Variants in NKAIN3 observed in about 807,000 individuals in gnomAD.
NKAIN3 encodes sodium/potassium-transporting ATPase subunit beta-1-interacting protein 3.
NKAIN3 carries 25 observed loss-of-function variants against 30.2 expected under a neutral mutation model. The observed-to-expected ratio is 0.83, with a 90% CI of 0.60 to 1.16. The LOEUF is 1.16. Ranked by LOEUF, NKAIN3 falls within the 50% of genes most tolerant of loss-of-function variation. The probability of loss-of-function intolerance (pLI) is 0.00; values close to 1 mark genes in which losing one functional copy is unlikely to be tolerated. For synonymous variants in NKAIN3, 91 were observed against 89.6 expected, an observed-to-expected ratio of 1.02 and a Z score of -0.09; for missense variants, 225 against 254.1, an observed-to-expected ratio of 0.89 and a Z score of 0.78.
intron 4 of NKAIN3, among the ~76,000 whole-genome samples, chr8:62,886,143 C>A (rs1821139214): frequency 1.3e-5 from 2 of 151,776 alleles, no homozygotes. Flanking sequence ...CTTATCAGAT[C>A]AATTATACTT....
At chr8:62,382,752 G>T (rs963844614) in intron 1 of NKAIN3, among the ~76,000 whole-genome samples, 1 of 152,010 alleles carries the variant, frequency 6.6e-6, no homozygotes, top group Admixed American at 6.6e-5. Context: ...TTCTCCTCTG[G>T]TGTGGTGGCT....
intron 4 of NKAIN3, among the ~76,000 whole-genome samples, chr8:62,891,398 C>T (rs565703459): frequency 6.6e-6 from 1 of 152,340 alleles, no homozygotes; most frequent in Non-Finnish European, 1.5e-5. Flanking sequence ...AGACTAAAGG[C>T]TGCACTATCA....
intron 5 of NKAIN3, among the ~76,000 whole-genome samples, chr8:62,928,210 A>G (rs1217804838): frequency 1.3e-5 from 2 of 152,202 alleles, no homozygotes; most frequent in African/African-American, 4.8e-5. Flanking sequence ...CTCTCCTTCT[A>G]AATTGTATAA....
intron 1 of NKAIN3, among the ~76,000 whole-genome samples, chr8:62,436,202 C>A (rs1157794465): frequency 6.6e-6 from 1 of 152,142 alleles, no homozygotes; most frequent in Non-Finnish European, 1.5e-5. Context: ...TTTCTCTATT[C>A]TCACTAATAA....
At chr8:62,789,409 C>T (rs1225919175) in intron 4 of NKAIN3, among the ~76,000 whole-genome samples, 2 of 152,080 alleles carry the variant, frequency 1.3e-5, no homozygotes, top group Non-Finnish European at 2.9e-5. Context: ...GCTGAAGTTG[C>T]TTATCAGCTT....
intron 1 of NKAIN3, among the ~76,000 whole-genome samples, chr8:62,499,822 C>G (rs115081329): frequency 0.012 from 1,794 of 147,782 alleles, 43 homozygotes; most frequent in African/African-American, 0.042. Flanking sequence ...TTGTTTGTTT[C>G]TTTCTTTCTT....
At chr8:62,544,431 A>G (rs1439948652) in intron 1 of NKAIN3, among the ~76,000 whole-genome samples, 2 of 152,210 alleles carry the variant, frequency 1.3e-5, no homozygotes, top group Admixed American at 6.5e-5. Flanking sequence ...TTTGAAAAAT[A>G]CACAACTATA....
intron 4 of NKAIN3, among the ~76,000 whole-genome samples, chr8:62,767,112 C>T (rs911328622): frequency 3.9e-5 from 6 of 152,154 alleles, no homozygotes; most frequent in African/African-American, 1.4e-4. Flanking sequence ...AGTTAGAGAG[C>T]TACACACTTA....
At chr8:62,429,024 G>A (rs1804906815) in intron 1 of NKAIN3, among the ~76,000 whole-genome samples, 1 of 151,810 alleles carries the variant, frequency 6.6e-6, no homozygotes, top group African/African-American at 2.4e-5. Context: ...AGACATAGGG[G>A]TCTAGCTTCA....
intron 3 of NKAIN3, among the ~76,000 whole-genome samples, chr8:62,726,948 C>A (rs1048255238): frequency 5.2e-4 from 79 of 151,966 alleles, no homozygotes; most frequent in African/African-American, 1.8e-3. Context: ...ATGCAAAAAT[C>A]ATTAACAAAA....
At chr8:62,665,818 G>A (rs147396295) in intron 3 of NKAIN3, among the ~76,000 whole-genome samples, 1 of 152,274 alleles carries the variant, frequency 6.6e-6, no homozygotes, top group African/African-American at 2.4e-5. Flanking sequence ...TCCATGAGTA[G>A]GGGAGGAGGA....
chr8:62,449,182 A>T (rs1182174505), intron 1 of NKAIN3, among the ~76,000 whole-genome samples: 1 of 151,998 alleles, frequency 6.6e-6, no homozygotes, highest in Non-Finnish European at 1.5e-5. Context: ...GCAGTGTTTT[A>T]AAAATTATGG....
At chr8:62,398,307 G>T (rs563559157) in intron 1 of NKAIN3, among the ~76,000 whole-genome samples, 10 of 152,340 alleles carry the variant, frequency 6.6e-5, no homozygotes, top group African/African-American at 2.2e-4. Context: ...TGAATTTCCT[G>T]CTGTAACATC....
intron 1 of NKAIN3, among the ~76,000 whole-genome samples, chr8:62,485,713 G>A (rs951908917): frequency 6.6e-6 from 1 of 152,188 alleles, no homozygotes; most frequent in African/African-American, 2.4e-5. Context: ...GTAAGAGGCT[G>A]TAGTTTTCTT....
intron 1 of NKAIN3, among the ~76,000 whole-genome samples, chr8:62,422,938 T>C (rs1458324888): frequency 6.6e-6 from 1 of 152,100 alleles, no homozygotes; most frequent in African/African-American, 2.4e-5. Context: ...CCAAATAAGT[T>C]TGTCACTTAT....
At chr8:62,817,168 T>A (rs1391136049) in intron 4 of NKAIN3, among the ~76,000 whole-genome samples, 1 of 152,164 alleles carries the variant, frequency 6.6e-6, no homozygotes, top group Non-Finnish European at 1.5e-5. Flanking sequence ...TGGTTATCTA[T>A]TTGTTGTTTT....
At chr8:62,291,327 G>A (rs954705004) in intron 1 of NKAIN3, among the ~76,000 whole-genome samples, 24 of 152,150 alleles carry the variant, frequency 1.6e-4, no homozygotes, top group African/African-American at 5.8e-4. Flanking sequence ...CAATTGTGAT[G>A]TTAGGGTGTC....
At chr8:62,694,728 C>A (rs1307151544) in intron 3 of NKAIN3, among the ~76,000 whole-genome samples, 2 of 152,292 alleles carry the variant, frequency 1.3e-5, no homozygotes, top group Non-Finnish European at 2.9e-5. Context: ...ACCCATCCAG[C>A]AAATGAGTAG....
intron 3 of NKAIN3, among the ~76,000 whole-genome samples, chr8:62,672,748 C>T (rs900586168): frequency 2.0e-5 from 3 of 152,130 alleles, no homozygotes; most frequent in Admixed American, 6.6e-5. Flanking sequence ...TCTAGATAAA[C>T]TTAAACCTTA....
Sources: gnomAD v4.1 joint callset for allele counts (sites outside exome capture counted in the v4.1 genomes callset) on GRCh38, gnomAD v4.1.1 for gene constraint, MANE v1.5 for transcripts, NCBI Gene and HGNC (gene_info 2026-07-23, HGNC 2026-07-21) for gene names.